Variants in SLC6A6 observed in about 807,000 individuals in gnomAD.
The protein encoded by SLC6A6 is solute carrier family 6 member 6.
SLC6A6 carries 16 observed loss-of-function variants against 68.8 expected under a neutral mutation model. The observed-to-expected ratio is 0.23, with a 90% CI of 0.16 to 0.35. The LOEUF (loss-of-function observed/expected upper bound fraction) is 0.35, where lower values mean the gene tolerates loss of function less well. SLC6A6 is among the 10% of genes least tolerant of loss of function. The probability of loss-of-function intolerance (pLI) is 1.00; values close to 1 mark genes in which losing one functional copy is unlikely to be tolerated. For synonymous variants in SLC6A6, 312 were observed against 315.4 expected (o/e 0.99, Z 0.12); for missense variants, 474 against 802.8 (o/e 0.59, Z 4.95).
chr3:14,425,126 A>T (rs1052286947), intron 2 of SLC6A6, among the ~76,000 whole-genome samples: 1 of 152,186 alleles, frequency 6.6e-6, no homozygotes, highest in African/African-American at 2.4e-5. Flanking sequence ...TTCTCCTGAG[A>T]GCAAATCCAA....
rs997114795 is a variant in SLC6A6, at chr3:14,457,882, C to G, written c.600-68C>G. On this transcript the variant is annotated intron_variant, in intron 5 of 14. Transcript: ENST00000622186. The stretch of plus-strand genomic sequence containing the variant: ...ATTTGACCCCCAGCCTGTTAATGTC[C>G]GAGCCTTGGCTCTCTCTACTCCAGG... 13 of 1,547,822 alleles carry G rather than the reference C, an allele frequency of 8.4e-6. No homozygotes were observed. In the Admixed American group the frequency reaches 1.5e-4, roughly 18 times the overall value.
chr3:14,417,920 A>G (rs1015983601), intron 2 of SLC6A6, among the ~76,000 whole-genome samples: 3 of 152,144 alleles, frequency 2.0e-5, no homozygotes, highest in African/African-American at 7.2e-5. Context: ...TATGTTTTTA[A>G]AAAGGGTTTA....
chr3:14,475,418 T>C (rs1312787254), intron 10 of SLC6A6, among the ~76,000 whole-genome samples: 1 of 152,188 alleles, frequency 6.6e-6, no homozygotes, highest in Non-Finnish European at 1.5e-5. Context: ...CCCAGCCCGC[T>C]GACATGGGTT....
At chr3:14,403,230 C>T (rs1346248507) in intron 1 of SLC6A6, among the ~76,000 whole-genome samples, 1 of 152,018 alleles carries the variant, frequency 6.6e-6, no homozygotes, top group Non-Finnish European at 1.5e-5. Context: ...GCAGCGTGCA[C>T]ATGTGTGTTC....
chr3:14,476,543 G>A (rs1242996871), intron 10 of SLC6A6, among the ~76,000 whole-genome samples: 3 of 152,218 alleles, frequency 2.0e-5, no homozygotes, highest in Non-Finnish European at 4.4e-5. Context: ...CACATGCAAA[G>A]TCCTCTCATG....
intron 6 of SLC6A6, 109 bp downstream of exon 6, chr3:14,458,191 G>A (rs1559305328): frequency 3.0e-6 from 3 of 1,002,234 alleles, no homozygotes; most frequent in East Asian, 2.4e-5. Flanking sequence ...GAGGTGGCCA[G>A]TGGTGGCGTG....
At chr3:14,476,028 C>T (rs1371283022) in intron 10 of SLC6A6, among the ~76,000 whole-genome samples, 5 of 152,210 alleles carry the variant, frequency 3.3e-5, no homozygotes, top group Admixed American at 6.5e-5. Context: ...GCTGGGGAAA[C>T]GTCCTTCCCA....
At chr3:14,470,494 T>G (rs1036416792) in intron 9 of SLC6A6, among the ~76,000 whole-genome samples, 7 of 152,186 alleles carry the variant, frequency 4.6e-5, no homozygotes, top group African/African-American at 1.2e-4. Context: ...CCATGCACTT[T>G]TAGAGAAAGA....
chr3:14,465,244 G>A (rs56812505), intron 6 of SLC6A6, among the ~76,000 whole-genome samples: 2,449 of 152,312 alleles, frequency 0.016, 67 homozygotes, highest in African/African-American at 0.054. Flanking sequence ...CACAAACAGC[G>A]CTTGCAGGAC....
chr3:14,408,826 G>A (rs1402953767), intron 1 of SLC6A6, among the ~76,000 whole-genome samples: 2 of 150,474 alleles, frequency 1.3e-5, no homozygotes, highest in Non-Finnish European at 3.0e-5. Flanking sequence ...TTTGTTTTTG[G>A]GACGGAGTCT....
intron 2 of SLC6A6, among the ~76,000 whole-genome samples, chr3:14,430,620 T>C (rs1001255975): frequency 7.7e-4 from 117 of 152,352 alleles, no homozygotes; most frequent in Non-Finnish European, 1.3e-4. Context: ...AGGCACCATC[T>C]TGTAGTGCTG....
intron 10 of SLC6A6, among the ~76,000 whole-genome samples, chr3:14,476,979 C>A (rs531243867): frequency 6.6e-6 from 1 of 152,202 alleles, no homozygotes; most frequent in African/African-American, 2.4e-5. Flanking sequence ...TGTGGACCAC[C>A]GAATGTTGCG....
intron 2 of SLC6A6, among the ~76,000 whole-genome samples, chr3:14,429,125 G>C (rs1199191145): frequency 2.0e-5 from 3 of 152,142 alleles, no homozygotes; most frequent in African/African-American, 4.8e-5. Context: ...CCCAGCTCCA[G>C]GAGCCCTAGG....
intron 1 of SLC6A6, among the ~76,000 whole-genome samples, chr3:14,410,073 C>A (rs1699210299): frequency 6.6e-6 from 1 of 150,978 alleles, no homozygotes; most frequent in South Asian, 2.1e-4. Context: ...GTAATCCCAG[C>A]TGCTTGGGAG....
rs1701171659 is a variant in SLC6A6, at chr3:14,486,565, T to A, written c.*1558T>A. 6.8e-6 allele frequency: 1 copy of A among 147,536 alleles called. No homozygotes were observed. The highest frequency in any genetic ancestry group is 2.5e-5 in the African/African-American group (1 of 40,810). 9.1% of individuals were successfully genotyped at this position (147,536 alleles called of 1,614,324 possible). ...CTCTGAACCAGGAGAGAAGGTACTA[T>A]ACCTTTCAAATCCCCAGGGCAGACA... On this transcript the variant is annotated 3_prime_UTR_variant, in exon 15 of 15. Coordinates refer to ENST00000622186, the MANE Select transcript of SLC6A6 (RefSeq NM_003043.6).
intron 2 of SLC6A6, among the ~76,000 whole-genome samples, chr3:14,440,604 T>C (rs1444814238): frequency 1.3e-5 from 2 of 152,064 alleles, no homozygotes; most frequent in Admixed American, 6.5e-5. Flanking sequence ...AGCTGCTGCA[T>C]TGAGAATAGA....
chr3:14,475,706 A>C (rs935272062), intron 10 of SLC6A6, among the ~76,000 whole-genome samples: 1 of 152,248 alleles, frequency 6.6e-6, no homozygotes, highest in African/African-American at 2.4e-5. Flanking sequence ...ATCTCAAAAA[A>C]GGAAAGAACC....
At chr3:14,437,678 C>G (rs1036712530) in intron 2 of SLC6A6, among the ~76,000 whole-genome samples, 10 of 152,046 alleles carry the variant, frequency 6.6e-5, no homozygotes, top group Admixed American at 3.3e-4. Flanking sequence ...TAATTTTAAT[C>G]AGCATGACAC....
chr3:14,419,405 T>C (rs541219324), intron 2 of SLC6A6, among the ~76,000 whole-genome samples: 1 of 152,300 alleles, frequency 6.6e-6, no homozygotes, highest in Admixed American at 6.5e-5. Flanking sequence ...AGGGGCATGA[T>C]GCGGACATGG....
Sources: allele counts gnomAD v4.1 joint callset (sites outside exome capture counted in the v4.1 genomes callset), GRCh38; gene constraint gnomAD v4.1.1; transcripts MANE v1.5; gene names NCBI Gene and HGNC (gene_info 2026-07-23, HGNC 2026-07-21).